SUPT3H: variants seen among roughly 807,000 people sequenced by gnomAD.
The protein encoded by SUPT3H is transcription initiation protein SPT3 homolog.
SUPT3H carries 44 observed loss-of-function variants against 44.3 expected under a neutral mutation model. The observed-to-expected ratio is 0.99, with a 90% confidence interval of 0.78 to 1.28. SUPT3H has a LOEUF of 1.28. Among genes scored for constraint, SUPT3H ranks in the 50% most tolerant of loss-of-function variants. The pLI is 0.00. For synonymous variants in SUPT3H, 124 were observed against 125.6 expected (o/e 0.99, Z 0.09); for missense variants, 380 against 387.1 (o/e 0.98, Z 0.15).
chr6:45,084,820 A>G (rs376379347), intron 3 of SUPT3H, among the ~76,000 whole-genome samples: 6 of 152,236 alleles, frequency 3.9e-5, no homozygotes, highest in African/African-American at 1.4e-4. Context: ...AGAAACATTG[A>G]TATAGCTGGA....
Position 44,828,975 on chromosome 6 carries a change from T to TAACA in SUPT3H, c.*837_*840dup, listed in dbSNP as rs1354024870. On this transcript the variant is annotated 3_prime_UTR_variant, in exon 11 of 11. Transcript: ENST00000371459. ...GATGCCAGAAGGGTAGCTCGGCTGC[T>TAACA]AACAGCAAGAAATTACCCAGCCCAC... The TAACA allele has an allele frequency of 6.6e-6, 1 of 152,606 alleles. No homozygotes were observed. Among genetic ancestry groups the TAACA allele is most frequent in the East Asian group, 1.9e-4 (1 of 5,196 alleles). 9.5% of individuals were successfully genotyped at this position (152,606 alleles called of 1,614,324 possible). A position where few individuals can be genotyped will look rare whatever the true frequency, so the allele number is the denominator to read the frequency against.
At chr6:45,237,764 C>T (rs1286003825) in intron 2 of SUPT3H, among the ~76,000 whole-genome samples, 2 of 152,078 alleles carry the variant, frequency 1.3e-5, no homozygotes, top group African/African-American at 4.8e-5. Context: ...AAAAAGGACA[C>T]ATAGCTTCAA....
chr6:45,289,201 T>C (rs959216841), intron 2 of SUPT3H, among the ~76,000 whole-genome samples: 1 of 152,158 alleles, frequency 6.6e-6, no homozygotes, highest in Non-Finnish European at 1.5e-5. Flanking sequence ...CAACCCTTTA[T>C]GTTGTTAAAT....
intron 2 of SUPT3H, among the ~76,000 whole-genome samples, chr6:45,233,835 C>G (rs1053438021): frequency 2.6e-5 from 4 of 152,192 alleles, no homozygotes; most frequent in African/African-American, 9.7e-5. Flanking sequence ...TACAGCTACT[C>G]TAAAGGAAAA....
At chr6:44,863,713 AT>A (rs1775035849) in intron 10 of SUPT3H, among the ~76,000 whole-genome samples, 1 of 152,120 alleles carries the variant, frequency 6.6e-6, no homozygotes, top group African/African-American at 2.4e-5. Flanking sequence ...TGATAAAGAC[AT>A]ACTCAAGACT....
intron 3 of SUPT3H, among the ~76,000 whole-genome samples, chr6:45,089,995 C>T (rs1796938293): frequency 6.6e-6 from 1 of 152,038 alleles, no homozygotes; most frequent in Admixed American, 6.6e-5. Context: ...CTCCATCATA[C>T]AATTAAGAAA....
Position 44,888,348 on chromosome 6 carries a change from T to C in SUPT3H, c.912+44305A>G, listed in dbSNP as rs575566843. On this transcript the variant is annotated intron_variant, in intron 10 of 10. Coordinates refer to ENST00000371459, the MANE Select transcript of SUPT3H (RefSeq NM_003599.4). ...TTTAGACCAATATCCTTGATGAACATTGATGCAAAAATCCTCAATAAAATA... is the reference window on the plus strand; with the variant it reads ...TTTAGACCAATATCCTTGATGAACACTGATGCAAAAATCCTCAATAAAATA... Among the ~76,000 whole-genome samples, 594 of 152,214 alleles carry C rather than the reference T, an allele frequency of 3.9e-3. 7 individuals are homozygous for C. Among genetic ancestry groups the C allele is most frequent in the African/African-American group, 0.014 (565 of 41,540 alleles).
intron 2 of SUPT3H, chr6:45,250,957 A>G (rs977020593): frequency 2.6e-5 from 4 of 151,892 alleles, no homozygotes; most frequent in African/African-American, 9.7e-5. Flanking sequence ...CATGAGTACT[A>G]CCACACCAGC....
chr6:45,215,414 T>C (rs954994177), intron 2 of SUPT3H, among the ~76,000 whole-genome samples: 2 of 152,062 alleles, frequency 1.3e-5, no homozygotes, highest in African/African-American at 2.4e-5. Flanking sequence ...CTCAATGAGA[T>C]ACAAGGGAAT....
At chr6:45,041,747 T>A (rs1788565100) in intron 3 of SUPT3H, among the ~76,000 whole-genome samples, 4 of 152,202 alleles carry the variant, frequency 2.6e-5, no homozygotes, top group Admixed American at 2.6e-4. Context: ...TAGTCCTAGG[T>A]ACAGGTAAAA....
chr6:45,101,521 C>T (rs1430462284), intron 3 of SUPT3H, among the ~76,000 whole-genome samples: 1 of 151,974 alleles, frequency 6.6e-6, no homozygotes, highest in Non-Finnish European at 1.5e-5. Context: ...AAAGGTATAG[C>T]CAAAGAGTTG....
intron 10 of SUPT3H, among the ~76,000 whole-genome samples, chr6:44,910,994 C>CAAAAAA (rs34384511): frequency 3.2e-5 from 2 of 62,696 alleles, no homozygotes; most frequent in African/African-American, 1.4e-4. Context: ...GACTCCATCT[C>CAAAAAA]AAAAAAAAAA....
In SUPT3H at chr6:45,368,212, G is replaced by A. The variant is rs79206997; in HGVS notation, c.1-2911C>T. ...TATTTTACAAAATGAATTCAGATGT[G>A]CAGATTGGGACCTAGATTATTTCAA... On this transcript the variant is annotated intron_variant, in intron 1 of 10. Transcript: ENST00000371459. 4.1e-3 allele frequency among the ~76,000 whole-genome samples: 622 copies of A among 152,228 alleles called. 5 individuals carry two copies. Among genetic ancestry groups the A allele is most frequent in the African/African-American group, 0.014 (583 of 41,558 alleles).
chr6:44,944,762 CAAAAAAAAAAAAA>C (rs57506313), intron 9 of SUPT3H, among the ~76,000 whole-genome samples: 4 of 29,894 alleles, frequency 1.3e-4, no homozygotes, highest in Non-Finnish European at 1.7e-4. Context: ...ACCCTCTCTC[CAAAAAAAAAAAAA>C]AAAAAAAAAA....
Position 45,095,932 on chromosome 6 carries a change from T to C in SUPT3H, c.186+9990A>G, listed in dbSNP as rs1251688171. ...TGGTAAATGTGAAATTCTTGGAAAT[T>C]TTCTAATCCATTTCTCATCTCAATC... On this transcript the variant is annotated intron_variant, in intron 3 of 10. Transcript: ENST00000371459. This position sits in a 1 kb window ranked among gnomAD's most constrained non-coding sequence, Gnocchi z 4.1. Among the ~76,000 whole-genome samples, 1 of 152,058 alleles carries C rather than the reference T, an allele frequency of 6.6e-6. No homozygotes were observed. The highest frequency in any genetic ancestry group is 1.5e-5 in the Non-Finnish European group (1 of 67,974).
intron 3 of SUPT3H, 70 bp from the exon 4 acceptor site, chr6:45,020,702 C>G: frequency 9.2e-7 from 1 of 1,082,498 alleles, no homozygotes; most frequent in South Asian, 1.5e-5. Context: ...CATGATGTCT[C>G]TAAAGAGATA....
At chr6:45,156,990 T>C (rs989089790) in intron 2 of SUPT3H, among the ~76,000 whole-genome samples, 4 of 152,130 alleles carry the variant, frequency 2.6e-5, no homozygotes, top group African/African-American at 9.6e-5. Context: ...ATACTTGATC[T>C]GTTGATTTGA....
chr6:45,228,536 A>G (rs1254813363), intron 2 of SUPT3H, among the ~76,000 whole-genome samples: 2 of 152,192 alleles, frequency 1.3e-5, no homozygotes, highest in Non-Finnish European at 2.9e-5. Context: ...TTAAACTTGA[A>G]TCATGTGAGC....
intron 2 of SUPT3H, among the ~76,000 whole-genome samples, chr6:45,276,977 A>G (rs1489357724): frequency 6.6e-6 from 1 of 152,174 alleles, no homozygotes; most frequent in Non-Finnish European, 1.5e-5. Flanking sequence ...GATAAAACAC[A>G]TTTCTATTTT....
Sources: gnomAD v4.1 joint callset for allele counts (sites outside exome capture counted in the v4.1 genomes callset) on GRCh38, gnomAD v4.1.1 for gene constraint, Gnocchi (gnomAD v3.1) non-coding constraint, MANE v1.5 for transcripts, NCBI Gene and HGNC (gene_info 2026-07-23, HGNC 2026-07-21) for gene names.